NADK2: variants seen among roughly 807,000 people sequenced by gnomAD.
NADK2 encodes the protein NAD kinase 2, mitochondrial.
In NADK2, 35 loss-of-function variants were observed where a neutral mutation model predicts 62.1. The observed-to-expected ratio is 0.56, with a 90% confidence interval of 0.43 to 0.75. NADK2 has a LOEUF of 0.75. Among genes scored for constraint, NADK2 ranks in the 30% least tolerant of loss-of-function variants. The probability of loss-of-function intolerance (pLI) is 0.00; values close to 1 mark genes in which losing one functional copy is unlikely to be tolerated. For missense variants in NADK2, 439 were observed against 561.3 expected (o/e 0.78, Z 2.20); for synonymous variants, 205 against 207.9 (o/e 0.99, Z 0.12).
At chr5:36,228,116 A>C (rs1006071506) in intron 1 of NADK2, among the ~76,000 whole-genome samples, 7 of 152,098 alleles carry the variant, frequency 4.6e-5, no homozygotes, top group Non-Finnish European at 1.0e-4. Flanking sequence ...TACCTTACGA[A>C]ATCTAAACAA....
Position 36,200,240 on chromosome 5 carries a change from TTC to T in NADK2, c.1051_1052del (p.Glu351IlefsTer8). ...QGNLSLPLNR[E>X]LVEKVTNEYN... ...TTTGTCACTGACCTTTCTCTACCAA[TTC>T]TCTGTTCAATGGAAGACTCAAATTT... is the stretch of plus-strand genomic sequence containing the variant. On this transcript the variant is annotated frameshift_variant, in exon 10 of 12. Coordinates refer to ENST00000381937, the MANE Select transcript of NADK2 (RefSeq NM_001085411.3). LOFTEE classifies it high-confidence loss of function. 1 of 1,583,494 alleles carries T rather than the reference TTC, an allele frequency of 6.3e-7. No homozygotes were observed. The highest frequency in any genetic ancestry group is 8.6e-7 in the Non-Finnish European group (1 of 1,164,412).
chr5:36,197,525 G>A lies in NADK2; in HGVS notation c.1190+16C>T. On this transcript the variant is annotated intron_variant, in intron 11 of 11. Coordinates refer to ENST00000381937, the MANE Select transcript of NADK2 (RefSeq NM_001085411.3). The stretch of plus-strand genomic sequence containing the variant: ...AAGGGATGAAAACAGTCAGAAGTCA[G>A]ATTGAGGATGCTTACTTTGAGGAGA... The A allele has an allele frequency of 6.2e-7, 1 of 1,612,086 alleles. No individual in the cohort carries two copies. Among genetic ancestry groups the A allele is most frequent in the Non-Finnish European group, 8.5e-7 (1 of 1,178,652 alleles).
intron 11 of NADK2, 89 bp from the exon 12 acceptor site, chr5:36,195,371 C>A: frequency 7.5e-7 from 1 of 1,330,390 alleles, no homozygotes; most frequent in Non-Finnish European, 1.0e-6. Flanking sequence ...GATCATTTGG[C>A]CTCCATTTTA....
chr5:36,238,895 C>T, intron 1 of NADK2, among the ~76,000 whole-genome samples: 1 of 152,096 alleles, frequency 6.6e-6, no homozygotes, highest in Non-Finnish European at 1.5e-5. Context: ...TCTGTGCATG[C>T]CTTATCAACT....
At chr5:36,236,386 T>G (rs1747908826) in intron 1 of NADK2, among the ~76,000 whole-genome samples, 2 of 152,250 alleles carry the variant, frequency 1.3e-5, no homozygotes, top group Non-Finnish European at 2.9e-5. Flanking sequence ...TTTAAAACAT[T>G]TTCTGCTCCC....
intron 7 of NADK2, chr5:36,208,701 A>G (rs1309961223): frequency 3.3e-6 from 5 of 1,517,620 alleles, no homozygotes; most frequent in Non-Finnish European, 4.4e-6. Context: ...CTAGGTTAGA[A>G]CAAATAGGAG....
intron 1 of NADK2, among the ~76,000 whole-genome samples, chr5:36,228,493 T>C (rs1458455121): frequency 1.3e-5 from 2 of 152,138 alleles, no homozygotes; most frequent in South Asian, 2.1e-4. Context: ...CTTGGACTCC[T>C]AGGCTCTAAT....
At chr5:36,235,809 C>A (rs1262641547) in intron 1 of NADK2, among the ~76,000 whole-genome samples, 2 of 151,858 alleles carry the variant, frequency 1.3e-5, no homozygotes, top group Non-Finnish European at 2.9e-5. Flanking sequence ...TGGATGAACC[C>A]TCCTTCAATG....
rs1459537697 is a variant in NADK2 at position 36,193,529 on chromosome 5, T to C, written c.*1615A>G. The C allele has an allele frequency of 1.4e-5, 2 of 147,652 alleles. No individual in the cohort carries two copies. The highest frequency in any genetic ancestry group is 5.0e-5 in the African/African-American group (2 of 39,854). The allele number at this position is 147,652 out of a possible 1,614,324, so 9.1% of individuals were successfully genotyped here. On this transcript the variant is annotated 3_prime_UTR_variant, in exon 12 of 12. Transcript: ENST00000381937. ...TTTAAGCCTGTTAGGGGAGGTTCTA[T>C]AGTATGGAGCTTCTTTATAAAGTGG...
rs1579589334 is a variant in NADK2 at position 36,194,424 on chromosome 5, TGACTTAAAAC to T, written c.*710_*719del. 1 of 152,280 alleles carries T rather than the reference TGACTTAAAAC, an allele frequency of 6.6e-6. No individual in the cohort carries two copies. Among genetic ancestry groups the T allele is most frequent in the East Asian group, 1.9e-4 (1 of 5,178 alleles). 9.4% of individuals were successfully genotyped at this position (152,280 alleles called of 1,614,324 possible). On this transcript the variant is annotated 3_prime_UTR_variant, in exon 12 of 12. Coordinates refer to ENST00000381937, the MANE Select transcript of NADK2 (RefSeq NM_001085411.3). ...AAGACTCATATCATTTTAAAAAAAT[TGACTTAAAAC>T]ACTTATTGGATAACTAATACATTTG...
At chr5:36,196,983 G>A (rs1449523545) in intron 11 of NADK2, among the ~76,000 whole-genome samples, 2 of 151,822 alleles carry the variant, frequency 1.3e-5, no homozygotes, top group South Asian at 4.1e-4. Flanking sequence ...CATTTTCTCC[G>A]AATTTTAGAT....
chr5:36,237,138 C>A (rs1172048987), intron 1 of NADK2, among the ~76,000 whole-genome samples: 1 of 152,126 alleles, frequency 6.6e-6, no homozygotes, highest in Non-Finnish European at 1.5e-5. Flanking sequence ...TTTATATGCA[C>A]AAGGCTTTTG....
At chr5:36,201,999 T>A (rs74552619) in intron 8 of NADK2, among the ~76,000 whole-genome samples, 1 of 152,052 alleles carries the variant, frequency 6.6e-6, no homozygotes, top group African/African-American at 2.4e-5. Flanking sequence ...TAACTCTTCA[T>A]ACATGATCTC....
chr5:36,240,984 G>A (rs1033358452), intron 1 of NADK2, among the ~76,000 whole-genome samples: 4 of 152,204 alleles, frequency 2.6e-5, no homozygotes, highest in African/African-American at 9.6e-5. Context: ...TCGCAGTCCT[G>A]CAGAGTAAAA....
intron 5 of NADK2, among the ~76,000 whole-genome samples, 159 bp downstream of exon 5, chr5:36,219,437 C>T (rs1176194741): frequency 6.6e-6 from 1 of 152,156 alleles, no homozygotes; most frequent in Non-Finnish European, 1.5e-5. Flanking sequence ...TCTCAAACTC[C>T]TGAGCTCAAG....
In NADK2 at chr5:36,197,598, C is replaced by T. The variant is rs1186227104; in HGVS notation, c.1133G>A (p.Arg378Gln). The change falls in exon 11 of 12, where the codon CGA becomes CAA. Residue 378 changes from arginine (R) to glutamine (Q), a missense_variant. Transcript: ENST00000381937. ...GAAAACTCTATTTGCTATTGGTTCT[C>T]GAATACTGAAAAGTATTTTTGGTTC... The part of the protein sequence containing the change: ...PEEPKILFSI[R>Q]EPIANRVFSS... 2.5e-6 allele frequency: 4 copies of T among 1,611,460 alleles called. No homozygotes were observed. The highest frequency in any genetic ancestry group is 1.7e-5 in the Admixed American group (1 of 59,696).
At chr5:36,219,336 A>AAGTAGCTGGGACTAC (rs1747164843) in intron 5 of NADK2, among the ~76,000 whole-genome samples, 1 of 152,052 alleles carries the variant, frequency 6.6e-6, no homozygotes, top group African/African-American at 2.4e-5. Flanking sequence ...TCAGCCCCGC[A>AAGTAGCTGGGACTAC]AGTAGCTGGG....
At chr5:36,237,339 TAA>T (rs79875049) in intron 1 of NADK2, among the ~76,000 whole-genome samples, 1 of 150,134 alleles carries the variant, frequency 6.7e-6, no homozygotes, top group East Asian at 1.9e-4. Context: ...GCTGTTAGGC[TAA>T]AAAAAAAGGC....
chr5:36,220,059 A>C (rs1299865152), intron 4 of NADK2, among the ~76,000 whole-genome samples: 2 of 152,216 alleles, frequency 1.3e-5, no homozygotes, highest in Non-Finnish European at 2.9e-5. Context: ...AAATTATTTA[A>C]CTATTAACTT....
Sources: allele counts gnomAD v4.1 joint callset (sites outside exome capture counted in the v4.1 genomes callset), GRCh38; gene constraint gnomAD v4.1.1; transcripts MANE v1.5; gene names NCBI Gene and HGNC (gene_info 2026-07-23, HGNC 2026-07-21).